RBMS3: variants seen among roughly 807,000 people sequenced by gnomAD.
RBMS3 encodes RNA binding motif single stranded interacting protein 3, also known as RNA-binding motif, single-stranded-interacting protein 3.
In RBMS3, 27 loss-of-function variants were observed where a neutral mutation model predicts 66.8. That is an observed-to-expected ratio of 0.40 (90% CI 0.30 to 0.56). RBMS3 has a LOEUF of 0.56. RBMS3 is among the 20% of genes least tolerant of loss of function. RBMS3 has a pLI of 0.40. For synonymous variants in RBMS3, 188 were observed against 183.0 expected, an observed-to-expected ratio of 1.03 and a Z score of -0.22; for missense variants, 513 against 549.5, an observed-to-expected ratio of 0.93 and a Z score of 0.66.
At chr3:29,755,738 A>C (rs967563109) in intron 5 of RBMS3, among the ~76,000 whole-genome samples, 32 of 152,168 alleles carry the variant, frequency 2.1e-4, no homozygotes, top group African/African-American at 7.5e-4. Context: ...AAAGAGGGAA[A>C]ACCACTCAGA....
At chr3:29,807,297 T>C (rs77669139) in intron 6 of RBMS3, among the ~76,000 whole-genome samples, 6,810 of 152,014 alleles carry the variant, frequency 0.045, 237 homozygotes, top group Admixed American at 0.084. Context: ...CCTCTAAGCT[T>C]TCCCAAATCT....
chr3:29,648,663 A>C (rs2050033420), intron 4 of RBMS3, among the ~76,000 whole-genome samples: 1 of 152,192 alleles, frequency 6.6e-6, no homozygotes, highest in Non-Finnish European at 1.5e-5. Flanking sequence ...AACTTCTTGC[A>C]CTAAAGGAAA....
chr3:29,694,778 TA>T lies in RBMS3; in HGVS notation c.400-44937del, dbSNP rs369555161. On this transcript the variant is annotated intron_variant, in intron 4 of 14. Coordinates refer to ENST00000383767, the MANE Select transcript of RBMS3 (RefSeq NM_001003793.3). ...GGAAGCATAAAAAAATAAAAAAAATTAAAAACTGTTCTTACCCATCTCCCAC... is the reference window on the plus strand; with the variant it reads ...GGAAGCATAAAAAAATAAAAAAAATTAAAACTGTTCTTACCCATCTCCCAC... 2.3e-4 allele frequency among the ~76,000 whole-genome samples: 35 copies of T among 152,154 alleles called. No individual in the cohort carries two copies. The East Asian group carries it at 5.6e-3, about 24-fold the overall frequency.
At chr3:29,939,904 C>T (rs2061350095) in intron 11 of RBMS3, among the ~76,000 whole-genome samples, 1 of 151,796 alleles carries the variant, frequency 6.6e-6, no homozygotes, top group South Asian at 2.1e-4. Context: ...CTCAAAGTCA[C>T]CATGACCCAA....
intron 7 of RBMS3, among the ~76,000 whole-genome samples, chr3:29,875,231 A>G (rs1191940657): frequency 6.6e-6 from 1 of 151,864 alleles, no homozygotes; most frequent in Non-Finnish European, 1.5e-5. Context: ...ACTAATGTTT[A>G]AGCAACAGTT....
chr3:29,900,581 G>A (rs1383877939), intron 10 of RBMS3, among the ~76,000 whole-genome samples: 4 of 151,688 alleles, frequency 2.6e-5, no homozygotes. Flanking sequence ...ACACTCATGA[G>A]GGTGTGAGGC....
intron 6 of RBMS3, among the ~76,000 whole-genome samples, chr3:29,828,279 C>CT (rs1377175946): frequency 1.3e-5 from 2 of 152,080 alleles, no homozygotes; most frequent in Admixed American, 6.6e-5. Flanking sequence ...TTTCCTTCCC[C>CT]TTTTTTAGAT....
At chr3:29,561,654 T>C (rs138813574) in intron 3 of RBMS3, among the ~76,000 whole-genome samples, 1,928 of 152,264 alleles carry the variant, frequency 0.013, 40 homozygotes, top group African/African-American at 0.044. Flanking sequence ...GGTTTCACCG[T>C]GTTGGTCAGG....
At chr3:29,683,747 C>A (rs1447418498) in intron 4 of RBMS3, among the ~76,000 whole-genome samples, 1 of 152,180 alleles carries the variant, frequency 6.6e-6, no homozygotes, top group Non-Finnish European at 1.5e-5. Flanking sequence ...CTGAACCCAG[C>A]TCAACTTTTC....
intron 6 of RBMS3, among the ~76,000 whole-genome samples, chr3:29,822,231 G>T (rs1003512632): frequency 6.6e-6 from 1 of 152,142 alleles, no homozygotes; most frequent in South Asian, 2.1e-4. Flanking sequence ...GTGACTGCAA[G>T]TATTTGAGAA....
intron 2 of RBMS3, among the ~76,000 whole-genome samples, chr3:29,451,070 C>T (rs1009107779): frequency 3.3e-5 from 5 of 152,084 alleles, no homozygotes; most frequent in Non-Finnish European, 5.9e-5. Context: ...ATACCAAGTG[C>T]CCACTAACAC....
At chr3:29,511,399 G>A (rs932904301) in intron 3 of RBMS3, among the ~76,000 whole-genome samples, 8 of 152,134 alleles carry the variant, frequency 5.3e-5, no homozygotes, top group East Asian at 3.8e-4. Context: ...ATGAACAGGC[G>A]ATAGCATAAA....
intron 1 of RBMS3, among the ~76,000 whole-genome samples, chr3:29,337,073 T>C (rs2125528070): frequency 6.6e-6 from 1 of 152,276 alleles, no homozygotes. Context: ...ATACATATAA[T>C]ATGGTTAATT....
At chr3:29,319,140 A>G (rs1021939355) in intron 1 of RBMS3, among the ~76,000 whole-genome samples, 2 of 152,098 alleles carry the variant, frequency 1.3e-5, no homozygotes, top group South Asian at 4.1e-4. Flanking sequence ...GATGAAGATG[A>G]TAAACTAGGA....
rs144721129 is a variant in RBMS3 at position 29,424,481 on chromosome 3, A to T, written c.76-10262A>T. On this transcript the variant is annotated intron_variant, in intron 1 of 14. Transcript: ENST00000383767. ...CTATGGTGTGGTTTGAATGGTGAGTACTGGGAAGTAGAAGGAAACAGGGAT... is the reference window on the plus strand; with the variant it reads ...CTATGGTGTGGTTTGAATGGTGAGTTCTGGGAAGTAGAAGGAAACAGGGAT... Among the ~76,000 whole-genome samples, 4 of 152,344 alleles carry T rather than the reference A, an allele frequency of 2.6e-5. No homozygotes were observed. In the East Asian group the frequency reaches 7.7e-4, roughly 29 times the overall value.
At chr3:29,479,494 A>T (rs2043060162) in intron 2 of RBMS3, among the ~76,000 whole-genome samples, 1 of 151,916 alleles carries the variant, frequency 6.6e-6, no homozygotes, top group Admixed American at 6.6e-5. Context: ...TTGAAGAGAA[A>T]ATCTCATGGG....
At chr3:29,768,708 T>G (rs995911303) in intron 6 of RBMS3, among the ~76,000 whole-genome samples, 3 of 151,918 alleles carry the variant, frequency 2.0e-5, no homozygotes, top group African/African-American at 7.2e-5. Context: ...CAACAGGGTA[T>G]AGGAGCCAGA....
chr3:29,526,047 T>A (rs2045081793), intron 3 of RBMS3, among the ~76,000 whole-genome samples: 1 of 152,102 alleles, frequency 6.6e-6, no homozygotes, highest in African/African-American at 2.4e-5. Flanking sequence ...CTTTAATATT[T>A]CCAGTGAGAA....
chr3:29,384,486 A>G (rs1038215700), intron 1 of RBMS3, among the ~76,000 whole-genome samples: 2 of 144,008 alleles, frequency 1.4e-5, no homozygotes, highest in African/African-American at 5.3e-5. Flanking sequence ...GACTCCAGAC[A>G]TAGGAAATAA....
Sources: allele counts gnomAD v4.1 joint callset (sites outside exome capture counted in the v4.1 genomes callset), GRCh38; gene constraint gnomAD v4.1.1; transcripts MANE v1.5; gene names NCBI Gene and HGNC (gene_info 2026-07-23, HGNC 2026-07-21).